The following PCLO variants were observed in gnomAD, a reference collection of about 807,000 sequenced individuals.
The protein encoded by PCLO is protein piccolo.
A neutral mutation model predicts 427.5 loss-of-function variants in PCLO; 82 were observed. The ratio of observed to expected loss-of-function variants is 0.19; its 90% CI spans 0.16 to 0.23. The LOEUF (loss-of-function observed/expected upper bound fraction) is 0.23. PCLO is among the 10% of genes least tolerant of loss of function. The probability of loss-of-function intolerance (pLI) is 1.00; values close to 1 mark genes in which losing one functional copy is unlikely to be tolerated. For synonymous variants in PCLO, 2,357 were observed against 2,155.4 expected (o/e 1.09, Z -2.59); for missense variants, 6,239 against 6,115.9 (o/e 1.02, Z -0.67).
chr7:82,802,914 A>G (rs1353671404), intron 21 of PCLO, among the ~76,000 whole-genome samples: 3 of 152,270 alleles, frequency 2.0e-5, no homozygotes, highest in East Asian at 3.9e-4. Flanking sequence ...AAGCCATTAC[A>G]TTGTTCCATT....
intron 3 of PCLO, among the ~76,000 whole-genome samples, chr7:82,973,451 G>A (rs1795949560): frequency 6.6e-6 from 1 of 152,048 alleles, no homozygotes; most frequent in African/African-American, 2.4e-5. Flanking sequence ...ATACAGTGTT[G>A]AGAAATAAAA....
intron 2 of PCLO, among the ~76,000 whole-genome samples, chr7:83,137,580 A>G (rs757718493): frequency 2.0e-5 from 3 of 151,962 alleles, no homozygotes; most frequent in Non-Finnish European, 2.9e-5. Flanking sequence ...ATAGGCGCCC[A>G]CCACCACGCC....
chr7:83,157,084 A>C (rs1478632061), intron 1 of PCLO, among the ~76,000 whole-genome samples: 2 of 152,136 alleles, frequency 1.3e-5, no homozygotes, highest in Non-Finnish European at 2.9e-5. Flanking sequence ...TAGCCAGGAG[A>C]GACTGGGACA....
At chr7:83,097,003 A>ATT (rs1264041927) in intron 3 of PCLO, among the ~76,000 whole-genome samples, 1 of 26,732 alleles carries the variant, frequency 3.7e-5, no homozygotes, top group Non-Finnish European at 6.0e-5. Flanking sequence ...TATATTATAT[A>ATT]AATAATATAT....
chr7:83,135,435 T>C lies in PCLO; in HGVS notation c.2115A>G (p.Pro705=). The change falls in exon 3 of 25, where the codon CCA becomes CCG. Residue 705 remains proline, a synonymous_variant. Coordinates refer to ENST00000333891, the MANE Select transcript of PCLO (RefSeq NM_033026.6). ...CATGAAGGGTTGGTTGTTTCACTAG[T>C]GGTGGTGGCTTTTTAGGCTCAGGTG... The part of the protein sequence containing the change: ...SKAPEPKKPP[P]LVKQPTLHGS... 1.9e-6 allele frequency: 3 copies of C among 1,613,646 alleles called. No individual in the cohort carries two copies. Among genetic ancestry groups the C allele is most frequent in the Non-Finnish European group, 2.5e-6 (3 of 1,179,828 alleles).
intron 9 of PCLO, among the ~76,000 whole-genome samples, chr7:82,889,927 C>A (rs772406496): frequency 6.6e-6 from 1 of 151,652 alleles, no homozygotes; most frequent in Non-Finnish European, 1.5e-5. Flanking sequence ...GTGTAAAAAA[C>A]GCAAGAAGTA....
chr7:82,956,205 T>G lies in PCLO; in HGVS notation c.4748A>C (p.Lys1583Thr). 6.2e-7 allele frequency: 1 copy of G among 1,610,268 alleles called. No individual in the cohort carries two copies. The highest frequency in any genetic ancestry group is 8.5e-7 in the Non-Finnish European group (1 of 1,179,824). ...EDDEFIRNQLKEISSSTESQK... is the reference protein window; with the variant it reads ...EDDEFIRNQLTEISSSTESQK... ...GCTCTCAGTACTGCTACTAATCTCT[T>G]TGAGCTGGTTTCTGATGAACTCATC... is the stretch of plus-strand genomic sequence containing the variant. Residue 1583 changes from lysine (K) to threonine (T), a missense_variant, in exon 5 of 25, where the codon AAA becomes ACA. By Grantham distance (78) the Lys-to-Thr change is moderately conservative (BLOSUM62 -1). Coordinates refer to ENST00000333891, the MANE Select transcript of PCLO (RefSeq NM_033026.6).
intron 2 of PCLO, among the ~76,000 whole-genome samples, chr7:83,153,059 T>A (rs370888056): frequency 1.3e-5 from 2 of 151,992 alleles, no homozygotes; most frequent in East Asian, 3.9e-4. Context: ...CCAAACACTA[T>A]AAAGTGATCA....
intron 15 of PCLO, among the ~76,000 whole-genome samples, chr7:82,837,685 A>G (rs539822087): frequency 6.6e-6 from 1 of 152,152 alleles, no homozygotes; most frequent in East Asian, 1.9e-4. Flanking sequence ...TATTTACCAA[A>G]GTCAATACTT....
intron 9 of PCLO, among the ~76,000 whole-genome samples, chr7:82,892,605 C>T (rs2116130136): frequency 6.6e-6 from 1 of 151,952 alleles, no homozygotes; most frequent in Admixed American, 6.6e-5. Context: ...AGAGCTTCTG[C>T]ACAGCAAAAG....
At chr7:83,084,724 A>T (rs1790186825) in intron 3 of PCLO, among the ~76,000 whole-genome samples, 1 of 152,170 alleles carries the variant, frequency 6.6e-6, no homozygotes. Flanking sequence ...ATACTTTAAA[A>T]AACAAAGAAA....
At position 83,135,083 on chromosome 7, in the gene PCLO, G is replaced by A; in HGVS notation, c.2467C>T (p.Arg823Ter). Reference protein sequence around the residue: ...VSPFDSKAIPRPASDSKIISH... With the variant: ...VSPFDSKAIP ...ATAATTTTTGAATCTGATGCAGGTC[G>A]AGGTATGGCTTTAGAATCAAATGGG... The change falls in exon 3 of 25, where the codon CGA becomes TGA. Residue 823 changes from arginine to a stop codon, truncating the protein, a stop_gained. Transcript: ENST00000333891. LOFTEE classifies it high-confidence loss of function. 1 of 1,613,896 alleles carries A rather than the reference G, an allele frequency of 6.2e-7. No individual in the cohort carries two copies. The highest frequency in any genetic ancestry group is 8.5e-7 in the Non-Finnish European group (1 of 1,179,840).
rs745824155 is a variant in PCLO, at chr7:83,093,472, G to GTGTGTGTGTATA, written c.3300+40777_3300+40778insTATACACACACA. 6.5e-3 allele frequency among the ~76,000 whole-genome samples: 646 copies of GTGTGTGTGTATA among 98,826 alleles called. 54 individuals are homozygous for GTGTGTGTGTATA. The highest frequency in any genetic ancestry group is 0.017 in the South Asian group (56 of 3,368). 64.8% of individuals were successfully genotyped at this position (98,826 alleles called of 152,430 possible). On this transcript the variant is annotated intron_variant, in intron 3 of 24. Coordinates refer to ENST00000333891, the MANE Select transcript of PCLO (RefSeq NM_033026.6). Reference sequence around the variant, plus strand: ...ACCACAAACATATATATGTGTGTGTGTATAGATATATATATATATATTTTT... The same window carrying GTGTGTGTGTATA: ...ACCACAAACATATATATGTGTGTGTGTGTGTGTGTATATATAGATATATATATATATATTTTT...
intron 9 of PCLO, among the ~76,000 whole-genome samples, chr7:82,887,263 T>G (rs141438620): frequency 1.3e-5 from 2 of 152,318 alleles, no homozygotes; most frequent in East Asian, 3.9e-4. Flanking sequence ...GTTTTTCTCT[T>G]GACTTTCACA....
intron 3 of PCLO, among the ~76,000 whole-genome samples, chr7:83,091,513 G>T (rs1790377715): frequency 6.6e-6 from 1 of 152,202 alleles, no homozygotes; most frequent in Non-Finnish European, 1.5e-5. Context: ...TAAAAATGGT[G>T]TAATCTCACA....
chr7:82,794,415 T>C (rs17283888), intron 22 of PCLO, among the ~76,000 whole-genome samples: 33,804 of 146,054 alleles, frequency 0.23, 5,129 homozygotes, highest in Non-Finnish European at 0.33. Context: ...TTCTCTTCAG[T>C]GAAAAGCCAT....
chr7:82,926,597 A>C (rs543306819), intron 6 of PCLO, among the ~76,000 whole-genome samples: 3 of 152,176 alleles, frequency 2.0e-5, no homozygotes, highest in Admixed American at 6.5e-5. Flanking sequence ...GACATCTCTA[A>C]GCTTTTCCTT....
At chr7:82,781,374 T>C (rs935371616) in intron 22 of PCLO, among the ~76,000 whole-genome samples, 2 of 150,942 alleles carry the variant, frequency 1.3e-5, no homozygotes, top group African/African-American at 4.9e-5. Flanking sequence ...AACGTGTAGG[T>C]TTGTTCCGTA....
intron 3 of PCLO, among the ~76,000 whole-genome samples, chr7:83,096,083 C>G (rs1206367880): frequency 6.6e-6 from 1 of 152,012 alleles, no homozygotes. Context: ...TTTCAACTTT[C>G]TAACTCTATC....
Sources: gnomAD v4.1 joint callset for allele counts (sites outside exome capture counted in the v4.1 genomes callset) on GRCh38, gnomAD v4.1.1 for gene constraint, MANE v1.5 for transcripts, NCBI Gene and HGNC (gene_info 2026-07-23, HGNC 2026-07-21) for gene names.